Variants in MALRD1 observed in about 807,000 individuals in gnomAD.
MALRD1 encodes the protein MAM and LDL receptor class A domain containing 1, also known as MAM and LDL-receptor class A domain-containing protein 1.
Under a neutral mutation model 242.1 loss-of-function variants are expected in MALRD1, and 247 were observed. The ratio of observed to expected loss-of-function variants is 1.02; its 90% CI spans 0.92 to 1.13. The LOEUF is 1.13. Ranked by LOEUF, MALRD1 falls within the 50% of genes most tolerant of loss-of-function variation. The probability of loss-of-function intolerance (pLI) is 0.00; values close to 1 mark genes in which losing one functional copy is unlikely to be tolerated. For missense variants in MALRD1, 2,989 were observed against 2,533.1 expected (o/e 1.18, Z -3.86); for synonymous variants, 995 against 866.6 (o/e 1.15, Z -2.60).
chr10:19,239,779 TG>T (rs36046928), intron 18 of MALRD1, among the ~76,000 whole-genome samples: 10,931 of 152,194 alleles, frequency 0.072, 445 homozygotes, highest in East Asian at 0.17. Flanking sequence ...TGTGTGCTCT[TG>T]ACTCCTTTTT....
At chr10:19,071,302 A>AT (rs11387302) in intron 2 of MALRD1, among the ~76,000 whole-genome samples, 52,572 of 145,926 alleles carry the variant, frequency 0.36, 9,279 homozygotes, top group Admixed American at 0.43. Flanking sequence ...GGGGGCACTC[A>AT]TTTTTTTTTT....
At chr10:19,285,277 T>C (rs1420385096) in intron 21 of MALRD1, among the ~76,000 whole-genome samples, 2 of 140,922 alleles carry the variant, frequency 1.4e-5, no homozygotes, top group African/African-American at 5.4e-5. Flanking sequence ...TTTGTCAATT[T>C]TGGCTTTTGT....
chr10:19,197,091 A>G (rs1836298271), intron 14 of MALRD1, among the ~76,000 whole-genome samples: 1 of 152,114 alleles, frequency 6.6e-6, no homozygotes, highest in African/African-American at 2.4e-5. Context: ...CACGTCTTAT[A>G]TGGTGGCAGG....
intron 36 of MALRD1, among the ~76,000 whole-genome samples, chr10:19,627,796 A>G (rs1839728842): frequency 6.7e-6 from 1 of 149,272 alleles, no homozygotes. Context: ...AGGAAGAAAA[A>G]ACAATAATAG....
rs183429312 is a variant in MALRD1, at chr10:19,627,803, A to C, written c.6137+11880A>C. Among the ~76,000 whole-genome samples the C allele has an allele frequency of 1.9e-3, 283 of 151,652 alleles. 2 individuals carry two copies. The highest frequency in any genetic ancestry group is 5.6e-3 in the African/African-American group (233 of 41,340). On this transcript the variant is annotated intron_variant, in intron 36 of 39. Transcript: ENST00000454679. ...AGGAAAAAAGGAAGAAAAAACAATA[A>C]TAGGCCAGGCCAGGAGGAAAATATA...
intron 29 of MALRD1, among the ~76,000 whole-genome samples, chr10:19,487,439 CTTTAT>C (rs1837284735): frequency 6.6e-6 from 1 of 151,000 alleles, no homozygotes; most frequent in South Asian, 2.1e-4. Context: ...CAGAGCATCA[CTTTAT>C]TTCTCTTCAT....
chr10:19,142,171 C>CAAAAAAAAAAAAAAAAAAA (rs529000033), intron 10 of MALRD1, among the ~76,000 whole-genome samples: 2 of 26,270 alleles, frequency 7.6e-5, no homozygotes, highest in African/African-American at 3.4e-4. Context: ...GACTCTAACT[C>CAAAAAAAAAAAAAAAAAAA]AAAAAAAAAA....
intron 36 of MALRD1, among the ~76,000 whole-genome samples, chr10:19,680,590 A>T (rs1455564180): frequency 6.6e-6 from 1 of 152,088 alleles, no homozygotes; most frequent in South Asian, 2.1e-4. Flanking sequence ...CTCTGTATCC[A>T]TCTTGCCATT....
intron 4 of MALRD1, among the ~76,000 whole-genome samples, chr10:19,096,886 C>T (rs779220835): frequency 6.6e-6 from 1 of 152,166 alleles, no homozygotes; most frequent in African/African-American, 2.4e-5. Context: ...GCAGCTGACT[C>T]TCACCTGGGG....
chr10:19,670,322 A>T (rs539298889), intron 36 of MALRD1, among the ~76,000 whole-genome samples: 4 of 152,298 alleles, frequency 2.6e-5, no homozygotes, highest in Non-Finnish European at 2.9e-5. Context: ...TCCATCAGCA[A>T]ACCCATCAGC....
intron 5 of MALRD1, among the ~76,000 whole-genome samples, 168 bp from the exon 6 acceptor site, chr10:19,123,324 T>TGTGTGAGA (rs368687001): frequency 2.7e-5 from 4 of 150,746 alleles, no homozygotes; most frequent in African/African-American, 4.9e-5. Context: ...TGTGTGTGTG[T>TGTGTGAGA]GAGAGAGAGA....
At chr10:19,683,331 C>T (rs1842452696) in intron 36 of MALRD1, among the ~76,000 whole-genome samples, 2 of 152,174 alleles carry the variant, frequency 1.3e-5, no homozygotes, top group African/African-American at 2.4e-5. Flanking sequence ...GGGGAAAAGC[C>T]ACAACCAGAA....
intron 2 of MALRD1, among the ~76,000 whole-genome samples, chr10:19,077,648 T>A (rs1835357998): frequency 6.6e-6 from 1 of 151,904 alleles, no homozygotes; most frequent in South Asian, 2.1e-4. Context: ...AGACTCTAAA[T>A]CTACTATAAA....
intron 14 of MALRD1, among the ~76,000 whole-genome samples, chr10:19,197,351 TC>T (rs200434755): frequency 7.1e-6 from 1 of 141,062 alleles, no homozygotes; most frequent in South Asian, 2.8e-4. Context: ...TTCTTCCCCT[TC>T]CTTTTTTGTC....
intron 19 of MALRD1, among the ~76,000 whole-genome samples, chr10:19,261,779 T>TC (rs1025908295): frequency 2.5e-5 from 3 of 121,990 alleles, no homozygotes; most frequent in African/African-American, 2.7e-5. Context: ...ATCAACCTTT[T>TC]CCCCTCGTGC....
chr10:19,282,525 C>T (rs948025215), intron 20 of MALRD1, among the ~76,000 whole-genome samples: 33 of 152,018 alleles, frequency 2.2e-4, no homozygotes, highest in African/African-American at 8.0e-4. Context: ...AATCGCTGGA[C>T]CTGTAATTTC....
chr10:19,391,162 G>T (rs1442822350), intron 28 of MALRD1, among the ~76,000 whole-genome samples: 1 of 152,074 alleles, frequency 6.6e-6, no homozygotes, highest in Non-Finnish European at 1.5e-5. Context: ...AATTCCTGTG[G>T]TTCCTCTAAT....
chr10:19,641,179 A>C (rs1041453503), intron 36 of MALRD1, among the ~76,000 whole-genome samples: 1 of 152,182 alleles, frequency 6.6e-6, no homozygotes, highest in Non-Finnish European at 1.5e-5. Flanking sequence ...TGGTAGGATG[A>C]ATGTGACAAA....
intron 26 of MALRD1, among the ~76,000 whole-genome samples, chr10:19,381,302 T>C (rs1345479634): frequency 6.6e-6 from 1 of 151,436 alleles, no homozygotes; most frequent in East Asian, 1.9e-4. Flanking sequence ...CTTAATCCAG[T>C]CTATCATTGT....
Sources: allele counts gnomAD v4.1 joint callset (sites outside exome capture counted in the v4.1 genomes callset), GRCh38; gene constraint gnomAD v4.1.1; transcripts MANE v1.5; gene names NCBI Gene and HGNC (gene_info 2026-07-23, HGNC 2026-07-21).